EML1: variants seen among roughly 807,000 people sequenced by gnomAD.
The protein encoded by EML1 is EMAP like 1, also known as echinoderm microtubule-associated protein-like 1.
A neutral mutation model predicts 110.4 loss-of-function variants in EML1; 27 were observed. That is an observed-to-expected ratio of 0.24 (90% CI 0.18 to 0.34). EML1 has a LOEUF of 0.34. Among genes scored for constraint, EML1 ranks in the 10% least tolerant of loss-of-function variants. EML1 has a pLI of 1.00. For synonymous variants in EML1, 344 were observed against 385.8 expected, an observed-to-expected ratio of 0.89 and a Z score of 1.27; for missense variants, 741 against 1,030.9, an observed-to-expected ratio of 0.72 and a Z score of 3.85.
chr14:99,936,346 C>T lies in EML1; in HGVS notation c.2095+12C>T. The stretch of plus-strand genomic sequence containing the variant: ...CGAAATCCTCTACTGTGAGTACCAC[C>T]CCGGGGTTGTATGAAGTCTCGATCT... On this transcript the variant is annotated intron_variant, in intron 19 of 21. Coordinates refer to ENST00000262233, the MANE Select transcript of EML1 (RefSeq NM_004434.3). This position sits in a 1 kb window ranked among gnomAD's most constrained non-coding sequence, Gnocchi z 5.5. 6.2e-7 allele frequency: 1 copy of T among 1,611,162 alleles called. No homozygotes were observed.
intron 1 of EML1, among the ~76,000 whole-genome samples, chr14:99,843,341 T>C (rs2058661392): frequency 6.6e-6 from 1 of 152,240 alleles, no homozygotes; most frequent in Non-Finnish European, 1.5e-5. Flanking sequence ...AATTTCTAAT[T>C]ATTCAGTGCT....
intron 2 of EML1, among the ~76,000 whole-genome samples, chr14:99,858,905 T>C (rs1438349347): frequency 6.6e-6 from 1 of 152,232 alleles, no homozygotes; most frequent in African/African-American, 2.4e-5. Context: ...ATCATATATG[T>C]AATCATGTTT....
intron 1 of EML1, among the ~76,000 whole-genome samples, chr14:99,798,915 T>C (rs932791166): frequency 3.3e-5 from 5 of 152,218 alleles, no homozygotes; most frequent in African/African-American, 1.2e-4. Context: ...TGTAATGCTA[T>C]AAATAATCCC....
chr14:99,781,652 C>T lies in EML1; in HGVS notation c.-27+7639C>T, dbSNP rs1017258165. On this transcript the variant is annotated intron_variant, in intron 1 of 22. Coordinates refer to the EML1 transcript ENST00000327921. The surrounding 1 kb of genome is among the most constrained non-coding windows in gnomAD (Gnocchi z 4.2). The stretch of plus-strand genomic sequence containing the variant: ...AGCACAGTCCTAATTCTGTGGCTTC[C>T]AAGGGGCTCCCATTGCCCATAGACT... 3.3e-5 allele frequency among the ~76,000 whole-genome samples: 5 copies of T among 152,186 alleles called. No homozygotes were observed. The highest frequency in any genetic ancestry group is 7.3e-5 in the Non-Finnish European group (5 of 68,036).
intron 8 of EML1, 61 bp from the exon 9 acceptor site, chr14:99,900,868 A>T: frequency 7.1e-7 from 1 of 1,402,576 alleles, no homozygotes; most frequent in Non-Finnish European, 1.0e-6. Context: ...TGTAGCTTCA[A>T]GGTAAAGACA....
At chr14:99,919,514 A>T (rs1248631169) in intron 16 of EML1, among the ~76,000 whole-genome samples, 3 of 151,538 alleles carry the variant, frequency 2.0e-5, no homozygotes, top group Non-Finnish European at 4.4e-5. Context: ...CTAACTCATC[A>T]GGCTCCCACC....
At chr14:99,782,797 G>C (rs2057555211) in intron 1 of EML1, among the ~76,000 whole-genome samples, 1 of 152,128 alleles carries the variant, frequency 6.6e-6, no homozygotes, top group African/African-American at 2.4e-5. Flanking sequence ...TGATGGGAGG[G>C]GAGTAGGCAA....
intron 1 of EML1, among the ~76,000 whole-genome samples, chr14:99,837,839 C>G (rs1292380625): frequency 6.6e-6 from 1 of 152,008 alleles, no homozygotes; most frequent in African/African-American, 2.4e-5. Context: ...TTACTCTGTC[C>G]CCCAGGCTGG....
chr14:99,819,796 C>G (rs570250533), intron 1 of EML1, among the ~76,000 whole-genome samples: 1 of 152,216 alleles, frequency 6.6e-6, no homozygotes, highest in Admixed American at 6.5e-5. Context: ...CTCAGTGAAG[C>G]GCCCAGGCCC....
At chr14:99,780,221 C>T (rs552483381) in intron 1 of EML1, among the ~76,000 whole-genome samples, 1 of 152,182 alleles carries the variant, frequency 6.6e-6, no homozygotes, top group Non-Finnish European at 1.5e-5. Context: ...TCTCTAAATA[C>T]AGTCACATTG....
At chr14:99,897,614 G>T (rs533778577) in intron 7 of EML1, among the ~76,000 whole-genome samples, 82 of 152,224 alleles carry the variant, frequency 5.4e-4, no homozygotes, top group Non-Finnish European at 1.0e-3. Context: ...CCTCACCAAC[G>T]CATGAGCTTC....
In EML1 at chr14:99,940,276, C is replaced by A; in HGVS notation, c.*164C>A. The stretch of plus-strand genomic sequence containing the variant: ...CTTAGCGTGTCAGCGGGCGCCACAG[C>A]GGATCAGCGGTTCCGTGTTCACTTT... On this transcript the variant is annotated 3_prime_UTR_variant, in exon 22 of 22. Coordinates refer to ENST00000262233, the MANE Select transcript of EML1 (RefSeq NM_004434.3). The A allele has an allele frequency of 2.2e-6, 2 of 896,380 alleles. No homozygotes were observed. The highest frequency in any genetic ancestry group is 3.1e-6 in the Non-Finnish European group (2 of 649,702). The allele number at this position is 896,380 out of a possible 1,614,324, so 55.5% of individuals were successfully genotyped here.
intron 1 of EML1, among the ~76,000 whole-genome samples, chr14:99,842,407 G>T (rs1373717421): frequency 6.6e-6 from 1 of 152,190 alleles, no homozygotes; most frequent in Admixed American, 6.5e-5. Context: ...CTGCTGCCAA[G>T]AAGTCTCCCA....
intron 1 of EML1, among the ~76,000 whole-genome samples, chr14:99,795,069 G>A (rs2057745019): frequency 6.6e-6 from 1 of 152,182 alleles, no homozygotes. Context: ...TGTATTAAAT[G>A]ACTTTGAGGC....
At position 99,759,362 on chromosome 14, in the gene EML1, C is replaced by G. The variant is rs2057289745; in HGVS notation, c.28+21502C>G. On this transcript the variant is annotated intron_variant, in intron 1 of 10. Transcript: ENST00000554479. Reference sequence around the variant, plus strand: ...GCCCGCTTGGCTTAAAGCTGCTTCTCCCTCATGGGGCCTTCCTTCTTGTCC... The same window carrying G: ...GCCCGCTTGGCTTAAAGCTGCTTCTGCCTCATGGGGCCTTCCTTCTTGTCC... Among the ~76,000 whole-genome samples, 5 of 152,352 alleles carry G rather than the reference C, an allele frequency of 3.3e-5. No homozygotes were observed. In the South Asian group the frequency reaches 1.0e-3, roughly 32 times the overall value.
intron 2 of EML1, among the ~76,000 whole-genome samples, chr14:99,852,867 T>C (rs928332377): frequency 6.6e-6 from 1 of 152,202 alleles, no homozygotes; most frequent in Non-Finnish European, 1.5e-5. Context: ...TTTTGAATAA[T>C]CATTTTAAGT....
At chr14:99,909,537 T>C (rs572560033) in intron 11 of EML1, 58 bp downstream of exon 11, 8 of 1,604,308 alleles carry the variant, frequency 5.0e-6, no homozygotes, top group Non-Finnish European at 6.8e-6. Flanking sequence ...ATTGGCTAGA[T>C]GCATCTCTCT....
At chr14:99,864,319 C>T (rs2059055215) in intron 2 of EML1, among the ~76,000 whole-genome samples, 1 of 152,138 alleles carries the variant, frequency 6.6e-6, no homozygotes, top group Non-Finnish European at 1.5e-5. Flanking sequence ...AGTTCTTTTG[C>T]AAATTTTTAA....
At chr14:99,742,835 G>A (rs1469557995) in intron 1 of EML1, among the ~76,000 whole-genome samples, 2 of 152,156 alleles carry the variant, frequency 1.3e-5, no homozygotes, top group African/African-American at 4.8e-5. Flanking sequence ...GGTGTCATGG[G>A]TATTGGACGG....
Sources: allele counts gnomAD v4.1 joint callset (sites outside exome capture counted in the v4.1 genomes callset), GRCh38; gene constraint gnomAD v4.1.1; non-coding constraint Gnocchi (gnomAD v3.1); transcripts MANE v1.5; gene names NCBI Gene and HGNC (gene_info 2026-07-23, HGNC 2026-07-21).